The following IMMP2L variants were observed in gnomAD, a reference collection of about 807,000 sequenced individuals.
IMMP2L encodes the protein mitochondrial inner membrane protease subunit 2.
IMMP2L carries 18 observed loss-of-function variants against 19.3 expected under a neutral mutation model. The ratio of observed to expected loss-of-function variants is 0.93; its 90% confidence interval spans 0.64 to 1.38. The LOEUF is 1.38. Among genes scored for constraint, IMMP2L ranks in the 40% most tolerant of loss-of-function variants. The probability of loss-of-function intolerance (pLI) is 0.00; values close to 1 mark genes in which losing one functional copy is unlikely to be tolerated. For synonymous variants in IMMP2L, 76 were observed against 73.0 expected, an observed-to-expected ratio of 1.04 and a Z score of -0.21; for missense variants, 233 against 218.2, an observed-to-expected ratio of 1.07 and a Z score of -0.43.
intron 3 of IMMP2L, among the ~76,000 whole-genome samples, chr7:111,079,411 C>G (rs913463568): frequency 6.6e-6 from 1 of 152,150 alleles, no homozygotes; most frequent in Non-Finnish European, 1.5e-5. Flanking sequence ...GCCACCGCGC[C>G]CGGCCTAATT....
At chr7:110,746,731 T>A (rs989823553) in intron 5 of IMMP2L, among the ~76,000 whole-genome samples, 2 of 152,090 alleles carry the variant, frequency 1.3e-5, no homozygotes, top group Non-Finnish European at 2.9e-5. Context: ...TGTACCAGAA[T>A]CTCTGGGACA....
At chr7:111,557,931 TAAG>T (rs1237748566) in intron 1 of IMMP2L, among the ~76,000 whole-genome samples, 2 of 151,966 alleles carry the variant, frequency 1.3e-5, no homozygotes, top group Non-Finnish European at 2.9e-5. Context: ...CACCAGATCT[TAAG>T]AACGTACAGA....
intron 2 of IMMP2L, among the ~76,000 whole-genome samples, chr7:111,493,310 A>G (rs577626648): frequency 2.0e-5 from 3 of 152,296 alleles, no homozygotes; most frequent in Admixed American, 6.5e-5. Flanking sequence ...TCAACAAAAC[A>G]TCATAAAGAA....
At chr7:111,544,246 G>A (rs1848722741) in intron 1 of IMMP2L, among the ~76,000 whole-genome samples, 1 of 151,096 alleles carries the variant, frequency 6.6e-6, no homozygotes, top group Admixed American at 6.6e-5. Context: ...GGGGCCTGTC[G>A]TGGGGTGGGG....
intron 3 of IMMP2L, among the ~76,000 whole-genome samples, chr7:111,434,968 C>A (rs1009340923): frequency 7.9e-5 from 12 of 151,828 alleles, no homozygotes; most frequent in African/African-American, 2.7e-4. Context: ...ATTAGAAGCA[C>A]AATCATACAT....
intron 3 of IMMP2L, among the ~76,000 whole-genome samples, chr7:111,048,806 A>T (rs2129572412): frequency 6.6e-6 from 1 of 152,288 alleles, no homozygotes; most frequent in South Asian, 2.1e-4. Flanking sequence ...AATTCATTTA[A>T]ATAACTTACA....
chr7:110,687,096 C>T (rs547376111), intron 5 of IMMP2L, among the ~76,000 whole-genome samples: 12 of 152,160 alleles, frequency 7.9e-5, no homozygotes, highest in African/African-American at 2.4e-4. Flanking sequence ...AGAACTTCTT[C>T]GCTAAAATAC....
intron 3 of IMMP2L, among the ~76,000 whole-genome samples, chr7:111,197,900 G>C (rs1809676667): frequency 6.6e-6 from 1 of 152,122 alleles, no homozygotes; most frequent in Admixed American, 6.5e-5. Context: ...TCACACATTA[G>C]TAGGGATTTA....
intron 3 of IMMP2L, among the ~76,000 whole-genome samples, chr7:111,090,127 G>T (rs897878230): frequency 2.0e-5 from 3 of 151,966 alleles, no homozygotes; most frequent in South Asian, 2.1e-4. Flanking sequence ...TACTAATTAA[G>T]GTTGTAAAAC....
intron 5 of IMMP2L, among the ~76,000 whole-genome samples, chr7:110,691,690 G>T (rs1297162821): frequency 6.6e-6 from 1 of 151,932 alleles, no homozygotes; most frequent in Non-Finnish European, 1.5e-5. Flanking sequence ...TAAACAAATG[G>T]CTGACAAACA....
At chr7:110,739,859 TA>T (rs1758700597) in intron 5 of IMMP2L, among the ~76,000 whole-genome samples, 1 of 152,196 alleles carries the variant, frequency 6.6e-6, no homozygotes, top group Non-Finnish European at 1.5e-5. Flanking sequence ...TTATATCAAG[TA>T]CTCTCTGAGA....
At chr7:110,871,406 A>G (rs1000363304) in intron 5 of IMMP2L, among the ~76,000 whole-genome samples, 5 of 152,154 alleles carry the variant, frequency 3.3e-5, no homozygotes, top group Admixed American at 3.3e-4. Flanking sequence ...GAAATCTGGC[A>G]GAGAAGGATG....
At chr7:111,182,183 T>A (rs551416811) in intron 3 of IMMP2L, among the ~76,000 whole-genome samples, 7 of 151,976 alleles carry the variant, frequency 4.6e-5, no homozygotes, top group Admixed American at 1.3e-4. Flanking sequence ...TAACTGTCCA[T>A]CACTTTAACA....
chr7:110,682,209 G>A (rs1188013084), intron 5 of IMMP2L, among the ~76,000 whole-genome samples: 1 of 152,078 alleles, frequency 6.6e-6, no homozygotes, highest in African/African-American at 2.4e-5. Flanking sequence ...CTGCCTCCTG[G>A]AAGGCTTTCT....
chr7:111,197,722 C>T (rs1218120915), intron 3 of IMMP2L, among the ~76,000 whole-genome samples: 12 of 152,158 alleles, frequency 7.9e-5, no homozygotes, highest in Admixed American at 7.9e-4. Flanking sequence ...CGATAGCTTT[C>T]AGTGTGTTCA....
intron 5 of IMMP2L, among the ~76,000 whole-genome samples, chr7:110,808,846 G>A (rs367559722): frequency 5.3e-5 from 8 of 151,928 alleles, no homozygotes; most frequent in Non-Finnish European, 1.0e-4. Context: ...TGTGGTTTTC[G>A]TCAAAGCAAC....
chr7:110,705,848 G>C (rs1367012130), intron 5 of IMMP2L, among the ~76,000 whole-genome samples: 1 of 151,978 alleles, frequency 6.6e-6, no homozygotes, highest in East Asian at 1.9e-4. Context: ...AATTTGCTTA[G>C]AATAATGGCC....
intron 3 of IMMP2L, among the ~76,000 whole-genome samples, chr7:111,130,791 G>A (rs143992941): frequency 1.9e-4 from 29 of 152,102 alleles, no homozygotes; most frequent in Admixed American, 1.5e-3. Context: ...ATATAAAATT[G>A]AAATTCATTA....
In IMMP2L at chr7:110,713,413, C is replaced by T. The variant is rs191792175; in HGVS notation, c.409-49692G>A. On this transcript the variant is annotated intron_variant, in intron 5 of 5. Transcript: ENST00000405709. ...TTCGGGCTCTTTTTCTGTTTCCATA[C>T]GAATTTTAAAATAGATTTTTCTGAT... 2.7e-3 allele frequency among the ~76,000 whole-genome samples: 406 copies of T among 152,134 alleles called. 4 individuals are homozygous for T. Among genetic ancestry groups the T allele is most frequent in the African/African-American group, 9.0e-3 (373 of 41,502 alleles).
Sources: gnomAD v4.1 joint callset for allele counts (sites outside exome capture counted in the v4.1 genomes callset) on GRCh38, gnomAD v4.1.1 for gene constraint, MANE v1.5 for transcripts, NCBI Gene and HGNC (gene_info 2026-07-23, HGNC 2026-07-21) for gene names.